Variants in SETD4 observed in about 807,000 individuals in gnomAD.
SETD4 encodes SET domain containing 4.
A neutral mutation model predicts 58.3 loss-of-function variants in SETD4; 46 were observed. That is an observed-to-expected ratio of 0.79 (90% CI 0.62 to 1.01). SETD4 has a LOEUF of 1.01. Ranked by LOEUF, SETD4 falls within the 50% of genes least tolerant of loss-of-function variation. SETD4 has a pLI of 0.00. For missense variants in SETD4, 490 were observed against 523.3 expected (o/e 0.94, Z 0.62); for synonymous variants, 190 against 202.6 (o/e 0.94, Z 0.53).
chr21:36,051,675 CT>C (rs945106212), intron 4 of SETD4, among the ~76,000 whole-genome samples: 22 of 151,620 alleles, frequency 1.5e-4, no homozygotes, highest in East Asian at 3.9e-4. Context: ...GGAACAAATA[CT>C]TTTTTTTTCA....
intron 3 of SETD4, among the ~76,000 whole-genome samples, chr21:36,055,144 T>C (rs2064923809): frequency 6.6e-6 from 1 of 152,242 alleles, no homozygotes; most frequent in Non-Finnish European, 1.5e-5. Flanking sequence ...TGGGAAGATT[T>C]TCTTCTACCT....
intron 4 of SETD4, 145 bp downstream of exon 4, chr21:36,053,438 T>C: frequency 5.0e-6 from 4 of 800,816 alleles, no homozygotes; most frequent in South Asian, 4.9e-5. Context: ...TTAATCCTAG[T>C]TGATAGAACC....
chr21:36,058,775 G>GA, intron 2 of SETD4, 41 bp downstream of exon 2: 1 of 1,554,090 alleles, frequency 6.4e-7, no homozygotes, highest in South Asian at 1.2e-5. Flanking sequence ...ATCACAAAAG[G>GA]ATTTCTTTTT....
intron 6 of SETD4, among the ~76,000 whole-genome samples, chr21:36,044,529 T>C (rs1180804894): frequency 6.6e-6 from 1 of 152,222 alleles, no homozygotes; most frequent in Non-Finnish European, 1.5e-5. Context: ...GGAGTCCCCA[T>C]GTCTAGCATC....
intron 4 of SETD4, 116 bp from the exon 5 acceptor site, chr21:36,048,512 A>G: frequency 1.2e-6 from 1 of 826,778 alleles, no homozygotes; most frequent in Middle Eastern, 3.1e-4. Flanking sequence ...CTGTAACTCA[A>G]CCAAAAGCCA....
At chr21:36,040,853 A>G (rs745727301) in intron 8 of SETD4, among the ~76,000 whole-genome samples, 198 bp from the exon 9 acceptor site, 2 of 151,670 alleles carry the variant, frequency 1.3e-5, no homozygotes, top group Non-Finnish European at 2.9e-5. Context: ...TTCTCTCCCC[A>G]TTTTTTTTCT....
intron 5 of SETD4, among the ~76,000 whole-genome samples, 192 bp downstream of exon 5, chr21:36,048,116 G>A (rs948619732): frequency 1.3e-5 from 2 of 151,458 alleles, no homozygotes; most frequent in African/African-American, 4.8e-5. Flanking sequence ...AGGCAGGCAG[G>A]CAGGCAGGCA....
rs1268343541 is a variant in SETD4, at chr21:36,040,597, A to G, written c.1042T>C (p.Leu348=). ...TACAATTTCTCAGCTTCCAGACATA[A>G]CAACTTAAGGGCTGTGAGTAGCCTC... ...SWRLLTALKL[L]CLEAEKFTCW... Residue 348 remains leucine (L), a synonymous_variant, in exon 9 of 12, where the codon TTA becomes CTA. Coordinates refer to ENST00000332131, the MANE Select transcript of SETD4 (RefSeq NM_017438.5). The G allele has an allele frequency of 6.2e-7, 1 of 1,613,778 alleles. No homozygotes were observed. The highest frequency in any genetic ancestry group is 2.2e-5 in the East Asian group (1 of 44,882).
intron 4 of SETD4, chr21:36,053,038 C>G (rs2064795245): frequency 6.5e-6 from 1 of 153,398 alleles, no homozygotes; most frequent in Non-Finnish European, 1.5e-5. Flanking sequence ...CCTTCTCTCC[C>G]CCTCCTCGCT....
chr21:36,045,994 G>C lies in SETD4; in HGVS notation c.314C>G (p.Ser105Cys), dbSNP rs1170119101. 1 of 1,612,406 alleles carries C rather than the reference G, an allele frequency of 6.2e-7. No homozygotes were observed. Among genetic ancestry groups the C allele is most frequent in the African/African-American group, 1.3e-5 (1 of 74,814 alleles). ...AAAGGTGCACAGCGCCAGCAGAGGAGATGGAGGAGGCTTCCACCTTTGAAA... is the reference window on the plus strand; with the variant it reads ...AAAGGTGCACAGCGCCAGCAGAGGACATGGAGGAGGCTTCCACCTTTGAAA... ...AYITKWKPPP[S>C]PLLALCTFLV... is the part of the protein sequence containing the mutation. Residue 105 changes from serine (S) to cysteine (C), a missense_variant, in exon 6 of 12, where the codon TCT becomes TGT. Physicochemically the swap from Ser to Cys is moderately radical, Grantham distance 112. Transcript: ENST00000332131.
rs748257689 is a variant in SETD4 at position 36,045,788 on chromosome 21, T to C, written c.520A>G (p.Arg174Gly). The change falls in exon 6 of 12, where the codon AGA (arginine) becomes GGA (glycine). Residue 174 changes from arginine to glycine, a missense_variant. Physicochemically the swap from Arg to Gly is moderately radical, Grantham distance 125 (BLOSUM62 -2). Transcript: ENST00000332131. ...AHVQEFFASS[R>G]DFFSSLQPLF... ...GGCTGCAGAGAAGAGAAAAAGTCTC[T>C]GGAGGAAGCAAAGAACTCCTGCACG... 3 of 1,614,186 alleles carry C rather than the reference T, an allele frequency of 1.9e-6. No individual in the cohort carries two copies. Among genetic ancestry groups the C allele is most frequent in the South Asian group, 1.1e-5 (1 of 91,092 alleles).
At chr21:36,054,328 T>C (rs1401254024) in intron 3 of SETD4, among the ~76,000 whole-genome samples, 3 of 152,246 alleles carry the variant, frequency 2.0e-5, no homozygotes, top group East Asian at 3.8e-4. Context: ...ATGCCTAAGC[T>C]TCTGCTCCTG....
rs781639967 is a variant in SETD4, at chr21:36,038,153, T to G, written c.1185A>C (p.Gln395His). 6.2e-7 allele frequency: 1 copy of G among 1,609,674 alleles called. No homozygotes were observed. Among genetic ancestry groups the G allele is most frequent in the African/African-American group, 1.3e-5 (1 of 74,688 alleles). ...ATGTCATATTCTAGAAACATACCTT[T>G]TGAAGCACAGCATTAGTCTCTTCTA... ...YFIEETNAVL[Q>H]KVSHMKDEKE... Residue 395 changes from glutamine to histidine, a missense_variant, in exon 10 of 12, where the codon CAA becomes CAC. Coordinates refer to ENST00000332131, the MANE Select transcript of SETD4 (RefSeq NM_017438.5).
chr21:36,048,486 A>C, intron 4 of SETD4, 90 bp from the exon 5 acceptor site: 1 of 1,142,680 alleles, frequency 8.8e-7, no homozygotes, highest in Non-Finnish European at 1.3e-6. Context: ...TCCCACAATC[A>C]CCTACCAGTA....
Position 36,054,072 on chromosome 21 carries a change from A to C in SETD4, c.170-452T>G, listed in dbSNP as rs181412619. Among the ~76,000 whole-genome samples the C allele has an allele frequency of 3.5e-3, 533 of 152,230 alleles. 6 individuals carry two copies. The highest frequency in any genetic ancestry group is 0.012 in the African/African-American group (478 of 41,528). ...CCTTTGATTGGCCGACTGGCCAATA[A>C]ACCCCACTCAAGTCCCCACAAAGCC... On this transcript the variant is annotated intron_variant, in intron 3 of 11. Coordinates refer to ENST00000332131, the MANE Select transcript of SETD4 (RefSeq NM_017438.5).
chr21:36,055,985 T>G (rs185068223), intron 3 of SETD4, among the ~76,000 whole-genome samples: 1 of 152,254 alleles, frequency 6.6e-6, no homozygotes, highest in East Asian at 1.9e-4. Context: ...GTTCTGTACA[T>G]CTAAGGGTGT....
At chr21:36,050,939 G>T in intron 4 of SETD4, 1 of 1,608,078 alleles carries the variant, frequency 6.2e-7, no homozygotes, top group Middle Eastern at 1.7e-4. Context: ...TGTGTTCATT[G>T]AGTGAACAAG....
At chr21:36,052,557 CAAAAA>C (rs35631970) in intron 4 of SETD4, among the ~76,000 whole-genome samples, 1 of 50,356 alleles carries the variant, frequency 2.0e-5, no homozygotes, top group Non-Finnish European at 3.9e-5. Context: ...GACTCTGTCT[CAAAAA>C]AAAAAAAAAA....
At chr21:36,051,425 T>G in intron 4 of SETD4, 1 of 1,441,828 alleles carries the variant, frequency 6.9e-7, no homozygotes, top group Non-Finnish European at 9.2e-7. Flanking sequence ...TTTCTTTCTT[T>G]TTTCTTTTCT....
Sources: allele counts gnomAD v4.1 joint callset (sites outside exome capture counted in the v4.1 genomes callset), GRCh38; gene constraint gnomAD v4.1.1; transcripts MANE v1.5; gene names NCBI Gene and HGNC (gene_info 2026-07-23, HGNC 2026-07-21).